SAMD3: variants seen among roughly 807,000 people sequenced by gnomAD.
SAMD3 encodes the protein sterile alpha motif domain-containing protein 3.
SAMD3 carries 63 observed loss-of-function variants against 58.5 expected under a neutral mutation model. That is an observed-to-expected ratio of 1.08 (90% CI 0.88 to 1.33). SAMD3 has a LOEUF of 1.33. SAMD3 is among the 40% of genes most tolerant of loss of function. The pLI is 0.00. For synonymous variants in SAMD3, 220 were observed against 210.3 expected (o/e 1.05, Z -0.40); for missense variants, 604 against 608.4 (o/e 0.99, Z 0.08).
intron 2 of SAMD3, among the ~76,000 whole-genome samples, chr6:130,294,063 A>T (rs1324079712): frequency 1.3e-5 from 2 of 152,166 alleles, no homozygotes; most frequent in Admixed American, 6.5e-5. Flanking sequence ...TTTCACCCCC[A>T]AGACATTCCT....
At chr6:130,154,705 AAAAAAAAAAAAAAATAT>A in intron 9 of SAMD3, 103 bp downstream of exon 9, 1 of 52,466 alleles carries the variant, frequency 1.9e-5, no homozygotes, top group Non-Finnish European at 4.1e-5. Flanking sequence ...GAAAAAAAAA[AAAAAAAAAAAAAAATAT>A]ATATATATAT....
intron 1 of SAMD3, among the ~76,000 whole-genome samples, chr6:130,332,056 G>A (rs951053236): frequency 2.0e-5 from 3 of 152,210 alleles, no homozygotes; most frequent in African/African-American, 7.2e-5. Flanking sequence ...GGCTATGGCA[G>A]TAGATAAAAC....
chr6:130,338,363 A>G (rs1777165104), intron 1 of SAMD3, among the ~76,000 whole-genome samples: 1 of 152,260 alleles, frequency 6.6e-6, no homozygotes, highest in Admixed American at 6.5e-5. Flanking sequence ...GAGCCTTCAC[A>G]GAGAAATTCT....
chr6:130,195,155 C>T (rs962261398), intron 5 of SAMD3, among the ~76,000 whole-genome samples: 3 of 152,114 alleles, frequency 2.0e-5, no homozygotes, highest in South Asian at 2.1e-4. Flanking sequence ...GGACTACAGC[C>T]GCATCTCATT....
chr6:130,315,977 T>C (rs1245649726), intron 1 of SAMD3, among the ~76,000 whole-genome samples: 1 of 152,098 alleles, frequency 6.6e-6, no homozygotes. Context: ...TTCTTCACAC[T>C]CTCAAAGAGA....
intron 2 of SAMD3, among the ~76,000 whole-genome samples, chr6:130,229,319 C>T (rs1796474503): frequency 6.6e-6 from 1 of 152,186 alleles, no homozygotes; most frequent in South Asian, 2.1e-4. Context: ...CCCATTCATT[C>T]CCAATGCCTT....
At chr6:130,329,985 T>G (rs551775715) in intron 1 of SAMD3, among the ~76,000 whole-genome samples, 1 of 152,040 alleles carries the variant, frequency 6.6e-6, no homozygotes, top group Non-Finnish European at 1.5e-5. Flanking sequence ...AAAACCTAGA[T>G]GACAGGGTGA....
chr6:130,308,403 C>CTATT (rs1776011388), intron 2 of SAMD3, among the ~76,000 whole-genome samples: 6 of 145,884 alleles, frequency 4.1e-5, no homozygotes, highest in African/African-American at 1.6e-4. Context: ...CTATTCTATT[C>CTATT]TATTCTATTC....
chr6:130,348,814 C>A lies in SAMD3; in HGVS notation c.-304+16306G>T, dbSNP rs1397356056. Among the ~76,000 whole-genome samples, 7 of 152,236 alleles carry A rather than the reference C, an allele frequency of 4.6e-5. No homozygotes were observed. The East Asian group carries it at 1.2e-3, about 25-fold the overall frequency. The stretch of plus-strand genomic sequence containing the variant: ...CACACCACACCTATTCCAAAATTGA[C>A]CACATAGTTGGAAGTAAAGCACTCC... On this transcript the variant is annotated intron_variant, in intron 1 of 13. Coordinates refer to the SAMD3 transcript ENST00000368134.
chr6:130,304,442 G>T (rs75884726), intron 2 of SAMD3, among the ~76,000 whole-genome samples: 3,841 of 152,178 alleles, frequency 0.025, 69 homozygotes, highest in Non-Finnish European at 0.04. Context: ...AGTGCTGGGT[G>T]AAGTGCCAAA....
At chr6:130,177,385 T>A (rs1791826319) in intron 7 of SAMD3, among the ~76,000 whole-genome samples, 1 of 151,844 alleles carries the variant, frequency 6.6e-6, no homozygotes, top group South Asian at 2.1e-4. Flanking sequence ...GCATGTGGAG[T>A]TTTTGTGAGA....
intron 2 of SAMD3, among the ~76,000 whole-genome samples, chr6:130,273,240 C>A (rs1040285878): frequency 7.9e-5 from 12 of 151,856 alleles, no homozygotes; most frequent in Non-Finnish European, 1.5e-4. Flanking sequence ...GATGAAGAGA[C>A]CTTTTATCAT....
chr6:130,311,984 C>T (rs7759980), intron 2 of SAMD3, among the ~76,000 whole-genome samples: 23,397 of 152,002 alleles, frequency 0.15, 1,976 homozygotes, highest in African/African-American at 0.21. Context: ...GCTTCTCCCC[C>T]GCCCCCACTT....
chr6:130,248,723 A>G (rs1450341705), intron 2 of SAMD3, among the ~76,000 whole-genome samples: 1 of 152,198 alleles, frequency 6.6e-6, no homozygotes, highest in Admixed American at 6.5e-5. Context: ...AGAACTCTGC[A>G]GTAATAAGGC....
intron 9 of SAMD3, among the ~76,000 whole-genome samples, chr6:130,148,163 G>T (rs1188287016): frequency 1.3e-5 from 2 of 152,180 alleles, no homozygotes; most frequent in Non-Finnish European, 2.9e-5. Flanking sequence ...TACAATAGTT[G>T]CCAAATGGTG....
At chr6:130,184,236 TC>T in intron 6 of SAMD3, 49 bp from the exon 7 acceptor site, 2 of 1,439,876 alleles carry the variant, frequency 1.4e-6, no homozygotes, top group Non-Finnish European at 1.9e-6. Context: ...CAAACCACAT[TC>T]CTTCCTTTAA....
At chr6:130,190,672 A>T (rs542084404) in intron 5 of SAMD3, among the ~76,000 whole-genome samples, 149 of 151,204 alleles carry the variant, frequency 9.9e-4, no homozygotes, top group African/African-American at 3.2e-3. Flanking sequence ...AAAAGAGATT[A>T]AAAAAAAATA....
chr6:130,342,443 T>C (rs1372278112), intron 1 of SAMD3, among the ~76,000 whole-genome samples: 1 of 152,200 alleles, frequency 6.6e-6, no homozygotes, highest in Admixed American at 6.5e-5. Context: ...TAGCTAAGAA[T>C]TGGGTTATTA....
chr6:130,249,302 A>T, intron 2 of SAMD3, among the ~76,000 whole-genome samples: 1 of 152,148 alleles, frequency 6.6e-6, no homozygotes, highest in Non-Finnish European at 1.5e-5. Flanking sequence ...GTCTTAATCT[A>T]GTAAAAATGG....
Sources: allele counts gnomAD v4.1 joint callset (sites outside exome capture counted in the v4.1 genomes callset), GRCh38; gene constraint gnomAD v4.1.1; transcripts MANE v1.5; gene names NCBI Gene and HGNC (gene_info 2026-07-23, HGNC 2026-07-21).